Variants in GPC6 observed in about 807,000 individuals in gnomAD.
GPC6 encodes glypican 6, also known as glypican-6.
GPC6 carries 14 observed loss-of-function variants against 55.2 expected under a neutral mutation model. The ratio of observed to expected loss-of-function variants is 0.25; its 90% confidence interval spans 0.17 to 0.40. The LOEUF (loss-of-function observed/expected upper bound fraction) is 0.40. Ranked by LOEUF, GPC6 falls within the 10% of genes least tolerant of loss-of-function variation. GPC6 has a pLI of 1.00. For missense variants in GPC6, 641 were observed against 708.5 expected (o/e 0.90, Z 1.08); for synonymous variants, 278 against 259.6 (o/e 1.07, Z -0.68).
chr13:94,147,318 A>T (rs1305053988), intron 4 of GPC6, among the ~76,000 whole-genome samples: 1 of 152,078 alleles, frequency 6.6e-6, no homozygotes, highest in Admixed American at 6.6e-5. Flanking sequence ...AGATGCATAT[A>T]CGGGTACTCC....
intron 4 of GPC6, among the ~76,000 whole-genome samples, chr13:94,280,405 T>C (rs941732892): frequency 6.6e-6 from 1 of 152,208 alleles, no homozygotes; most frequent in African/African-American, 2.4e-5. Flanking sequence ...CCCCTCTAGC[T>C]GTGCTCTCTT....
chr13:93,291,168 A>T (rs1464267213), intron 1 of GPC6, among the ~76,000 whole-genome samples: 1 of 152,012 alleles, frequency 6.6e-6, no homozygotes, highest in South Asian at 2.1e-4. Flanking sequence ...GGGATTATAA[A>T]CTCTTTTATA....
chr13:93,627,629 G>A (rs1225540442), intron 2 of GPC6, among the ~76,000 whole-genome samples: 1 of 152,086 alleles, frequency 6.6e-6, no homozygotes, highest in African/African-American at 2.4e-5. Flanking sequence ...CACATTTATT[G>A]TATTACTTAT....
At chr13:94,054,103 C>T (rs1884048299) in intron 4 of GPC6, among the ~76,000 whole-genome samples, 1 of 152,162 alleles carries the variant, frequency 6.6e-6, no homozygotes, top group Non-Finnish European at 1.5e-5. Context: ...CACCAGATGG[C>T]ATTCTGAGTC....
At chr13:93,296,773 C>T (rs1449241918) in intron 1 of GPC6, among the ~76,000 whole-genome samples, 1 of 152,202 alleles carries the variant, frequency 6.6e-6, no homozygotes, top group Non-Finnish European at 1.5e-5. Context: ...TTGGGACTCT[C>T]CATGCAGACA....
chr13:93,345,304 G>A (rs74645628), intron 1 of GPC6, among the ~76,000 whole-genome samples: 1 of 152,096 alleles, frequency 6.6e-6, no homozygotes, highest in Non-Finnish European at 1.5e-5. Context: ...AAAGGATTCA[G>A]TGAGATAACA....
At chr13:94,024,189 G>T (rs148037929) in intron 3 of GPC6, among the ~76,000 whole-genome samples, 2 of 151,706 alleles carry the variant, frequency 1.3e-5, no homozygotes, top group Non-Finnish European at 2.9e-5. Context: ...CTAGTTAATA[G>T]CAATGTACTA....
chr13:93,669,637 G>A lies in GPC6; in HGVS notation c.319+124216G>A, dbSNP rs575351874. On this transcript the variant is annotated intron_variant, in intron 2 of 8. Coordinates refer to ENST00000377047, the MANE Select transcript of GPC6 (RefSeq NM_005708.5). ...TAACAGTTGAGTTTTATTCATGCAG[G>A]AAGTGGGGTTGAAGCTGAGGCCTGT... is the stretch of plus-strand genomic sequence containing the variant. Among the ~76,000 whole-genome samples, 3 of 152,288 alleles carry A rather than the reference G, an allele frequency of 2.0e-5. No homozygotes were observed. In the East Asian group the frequency reaches 5.8e-4, roughly 29 times the overall value.
chr13:93,403,838 A>G (rs897368886), intron 1 of GPC6, among the ~76,000 whole-genome samples: 1 of 152,180 alleles, frequency 6.6e-6, no homozygotes, highest in African/African-American at 2.4e-5. Flanking sequence ...AGTTAATTCA[A>G]CATGAGCTTT....
intron 4 of GPC6, among the ~76,000 whole-genome samples, chr13:94,256,383 G>A (rs1447210363): frequency 6.6e-6 from 1 of 152,142 alleles, no homozygotes; most frequent in Non-Finnish European, 1.5e-5. Flanking sequence ...TGTTTTTCCT[G>A]GGTGCATAAG....
At chr13:93,549,767 C>G (rs867636404) in intron 2 of GPC6, among the ~76,000 whole-genome samples, 1 of 151,430 alleles carries the variant, frequency 6.6e-6, no homozygotes, top group Admixed American at 6.6e-5. Flanking sequence ...TTTTTAACTC[C>G]TACAAAAAAA....
Position 93,388,934 on chromosome 13 carries a change from C to T in GPC6, c.161-156329C>T, listed in dbSNP as rs141252186. On this transcript the variant is annotated intron_variant, in intron 1 of 8. Coordinates refer to ENST00000377047, the MANE Select transcript of GPC6 (RefSeq NM_005708.5). The stretch of plus-strand genomic sequence containing the variant: ...ATGCACAGCGTTGCCATGGTTAAAC[C>T]AGTGATTCATACCTCATTTCTTTCC... 2.9e-3 allele frequency among the ~76,000 whole-genome samples: 446 copies of T among 152,144 alleles called. 2 individuals are homozygous for T. The highest frequency in any genetic ancestry group is 5.1e-3 in the Non-Finnish European group (348 of 68,014).
At chr13:93,547,029 C>A (rs1228285665) in intron 2 of GPC6, among the ~76,000 whole-genome samples, 1 of 151,852 alleles carries the variant, frequency 6.6e-6, no homozygotes, top group Non-Finnish European at 1.5e-5. Flanking sequence ...ACAAGTAAAG[C>A]AATTCACCAA....
intron 3 of GPC6, among the ~76,000 whole-genome samples, chr13:93,913,260 C>T (rs952495185): frequency 2.0e-5 from 3 of 152,180 alleles, no homozygotes; most frequent in Admixed American, 2.0e-4. Flanking sequence ...GTTGAAAAGG[C>T]CAAAGGCGAG....
chr13:94,056,064 C>T (rs1458003554), intron 4 of GPC6, among the ~76,000 whole-genome samples: 1 of 152,204 alleles, frequency 6.6e-6, no homozygotes, highest in Non-Finnish European at 1.5e-5. Context: ...GACCAGAGGA[C>T]TGGTTTGGTC....
intron 4 of GPC6, among the ~76,000 whole-genome samples, chr13:94,164,756 G>A (rs191822941): frequency 3.4e-4 from 52 of 151,922 alleles, no homozygotes; most frequent in African/African-American, 1.2e-3. Context: ...TGCTACCTAT[G>A]GACAGGGCAA....
chr13:93,538,619 G>C (rs533942380), intron 1 of GPC6, among the ~76,000 whole-genome samples: 1 of 152,318 alleles, frequency 6.6e-6, no homozygotes, highest in South Asian at 2.1e-4. Context: ...ACGCAAAGAA[G>C]TGGGAGGGCT....
chr13:93,233,338 A>G (rs1876124621), intron 1 of GPC6, among the ~76,000 whole-genome samples: 2 of 130,384 alleles, frequency 1.5e-5, no homozygotes, highest in African/African-American at 3.3e-5. Flanking sequence ...TGTGCCAGTT[A>G]GTAGCCAAAA....
chr13:93,487,615 A>G (rs2139350260), intron 1 of GPC6, among the ~76,000 whole-genome samples: 1 of 152,304 alleles, frequency 6.6e-6, no homozygotes, highest in South Asian at 2.1e-4. Flanking sequence ...TTGATCATGT[A>G]TCTTCCCTGT....
Sources: allele counts gnomAD v4.1 joint callset (sites outside exome capture counted in the v4.1 genomes callset), GRCh38; gene constraint gnomAD v4.1.1; transcripts MANE v1.5; gene names NCBI Gene and HGNC (gene_info 2026-07-23, HGNC 2026-07-21).